HCFC2: variants seen among roughly 807,000 people sequenced by gnomAD.
HCFC2 encodes host cell factor C2.
HCFC2 carries 18 observed loss-of-function variants against 89.2 expected under a neutral mutation model. The observed-to-expected ratio is 0.20, with a 90% CI of 0.14 to 0.30. The LOEUF is 0.30. Ranked by LOEUF, HCFC2 falls within the 10% of genes least tolerant of loss-of-function variation. The pLI, the probability that HCFC2 is intolerant of heterozygous loss-of-function variation, is 1.00. For synonymous variants in HCFC2, 308 were observed against 335.7 expected, an observed-to-expected ratio of 0.92 and a Z score of 0.90; for missense variants, 578 against 956.1, an observed-to-expected ratio of 0.60 and a Z score of 5.21.
At chr12:104,087,466 CATATATATATATAT>C (rs10548496) in intron 8 of HCFC2, among the ~76,000 whole-genome samples, 2 of 139,472 alleles carry the variant, frequency 1.4e-5, no homozygotes, top group African/African-American at 5.3e-5. Flanking sequence ...TATATATATA[CATATATATATATAT>C]ATATGTATAT....
chr12:104,097,691 G>C (rs892995853), intron 12 of HCFC2: 2 of 960,310 alleles, frequency 2.1e-6, no homozygotes, highest in African/African-American at 1.8e-5. Flanking sequence ...GGCTTTAAAA[G>C]GTTAGTTCCA....
chr12:104,084,277 A>T (rs1480389203), intron 7 of HCFC2, among the ~76,000 whole-genome samples: 1 of 152,216 alleles, frequency 6.6e-6, no homozygotes, highest in African/African-American at 2.4e-5. Flanking sequence ...TGTTAATCAT[A>T]TGAATACATG....
Position 104,082,527 on chromosome 12 carries a change from A to C in HCFC2, c.795A>C (p.Pro265=), listed in dbSNP as rs1287557596. Residue 265 remains proline, a synonymous_variant, in exon 6 of 15, where the codon CCA becomes CCC. Transcript: ENST00000229330. ...TGTACATTTTTGGTGGATGGGTCCC[A>C]CATAAGGGGGAAAATACTGAGACTT... The part of the protein sequence containing the change: ...NKMYIFGGWV[P]HKGENTETSP... 1.2e-6 allele frequency: 2 copies of C among 1,611,856 alleles called. No homozygotes were observed. Among genetic ancestry groups the C allele is most frequent in the South Asian group, 2.2e-5 (2 of 91,014 alleles).
chr12:104,092,752 C>T (rs1884058407), intron 9 of HCFC2, among the ~76,000 whole-genome samples: 1 of 151,996 alleles, frequency 6.6e-6, no homozygotes, highest in Non-Finnish European at 1.5e-5. Context: ...CCAGCCTGGG[C>T]AACAAGAGCA....
chr12:104,065,053 A>T, intron 1 of HCFC2: 1 of 239,288 alleles, frequency 4.2e-6, no homozygotes, highest in Admixed American at 5.7e-5. Flanking sequence ...ACTCCCCGAA[A>T]TCTCGCCTCT....
chr12:104,080,853 G>A (rs1232523864), intron 5 of HCFC2, 23 bp downstream of exon 5: 2 of 1,506,832 alleles, frequency 1.3e-6, no homozygotes, highest in Admixed American at 2.1e-5. Context: ...TTTGTATTTT[G>A]CTTCTGTTTT....
chr12:104,067,036 C>T (rs544047969), intron 2 of HCFC2, among the ~76,000 whole-genome samples: 12 of 152,276 alleles, frequency 7.9e-5, no homozygotes, highest in African/African-American at 2.6e-4. Context: ...GATCCACCCA[C>T]CTGGGCCTCC....
chr12:104,080,495 CTG>C (rs1883652794), intron 4 of HCFC2: 5 of 280,832 alleles, frequency 1.8e-5, no homozygotes, highest in Admixed American at 5.1e-5. Context: ...TATTTTCAGT[CTG>C]TGGTTAGTTG....
At chr12:104,094,641 A>G (rs1388756226) in intron 10 of HCFC2, among the ~76,000 whole-genome samples, 2 of 152,210 alleles carry the variant, frequency 1.3e-5, no homozygotes, top group Non-Finnish European at 1.5e-5. Context: ...GATGTTTGCC[A>G]GAATTATTTT....
At chr12:104,087,410 CGTGTGTGTGTGTGTGTGTGT>C (rs10548495) in intron 8 of HCFC2, among the ~76,000 whole-genome samples, 2 of 133,210 alleles carry the variant, frequency 1.5e-5, no homozygotes, top group Non-Finnish European at 3.1e-5. Flanking sequence ...TACTGCAGTA[CGTGTGTGTGTGTGTGTGTGT>C]GTGTGTGTGT....
At chr12:104,100,659 A>G (rs1002570587) in intron 13 of HCFC2, among the ~76,000 whole-genome samples, 3 of 152,186 alleles carry the variant, frequency 2.0e-5, no homozygotes, top group African/African-American at 7.2e-5. Flanking sequence ...GAAGATATGC[A>G]CAAATGAGGA....
chr12:104,088,115 T>C, intron 9 of HCFC2, 77 bp downstream of exon 9: 1 of 977,230 alleles, frequency 1.0e-6, no homozygotes, highest in South Asian at 1.6e-5. Context: ...TTTAGCATAC[T>C]ACTACTCTAG....
intron 13 of HCFC2, among the ~76,000 whole-genome samples, chr12:104,101,656 G>A (rs890934372): frequency 4.1e-4 from 62 of 152,050 alleles, no homozygotes; most frequent in Non-Finnish European, 8.2e-4. Flanking sequence ...TGTGTTTATG[G>A]CAGTTGTCAG....
At chr12:104,072,880 G>A (rs562168402) in intron 3 of HCFC2, among the ~76,000 whole-genome samples, 138 of 151,766 alleles carry the variant, frequency 9.1e-4, no homozygotes, top group African/African-American at 1.4e-3. Context: ...TCCTGACCTC[G>A]TGATCCGCCC....
intron 3 of HCFC2, among the ~76,000 whole-genome samples, chr12:104,078,930 T>G (rs190982361): frequency 6.6e-6 from 1 of 152,222 alleles, no homozygotes. Flanking sequence ...CAGATGGTAG[T>G]TTTATGGGAG....
intron 3 of HCFC2, among the ~76,000 whole-genome samples, chr12:104,077,270 T>C (rs1883525184): frequency 6.6e-6 from 1 of 151,622 alleles, no homozygotes; most frequent in South Asian, 2.1e-4. Context: ...TGAGACGGAG[T>C]CTCGTTGTGT....
Position 104,079,609 on chromosome 12 carries a change from G to GA in HCFC2, c.640dup (p.Met214AsnfsTer8). ...AGTCCTAAAATGTATGTTTTTGGTG[G>GA]AATGTGTGGTGCTCGCCTGGATGAC... On this transcript the variant is annotated frameshift_variant, in exon 4 of 15. Coordinates refer to ENST00000229330, the MANE Select transcript of HCFC2 (RefSeq NM_013320.3). LOFTEE classifies it high-confidence loss of function. The GA allele has an allele frequency of 6.2e-7, 1 of 1,614,108 alleles. No homozygotes were observed. Among genetic ancestry groups the GA allele is most frequent in the Non-Finnish European group, 8.5e-7 (1 of 1,180,000 alleles).
At chr12:104,094,607 G>A (rs1884121258) in intron 10 of HCFC2, among the ~76,000 whole-genome samples, 1 of 152,070 alleles carries the variant, frequency 6.6e-6, no homozygotes, top group African/African-American at 2.4e-5. Context: ...AATGAAAATT[G>A]AAAAATATCC....
In HCFC2 at chr12:104,068,897, T is replaced by TATAA. The variant is rs1047267501; in HGVS notation, c.473+791_473+794dup. Among the ~76,000 whole-genome samples the TATAA allele has an allele frequency of 6.6e-6, 1 of 152,148 alleles. No individual in the cohort carries two copies. The highest frequency in any genetic ancestry group is 1.5e-5 in the Non-Finnish European group (1 of 68,032). On this transcript the variant is annotated intron_variant, in intron 3 of 14. Coordinates refer to ENST00000229330, the MANE Select transcript of HCFC2 (RefSeq NM_013320.3). This position sits in a 1 kb window ranked among gnomAD's most constrained non-coding sequence, Gnocchi z 4.1. ...ATTTTATTTGTGTAAATTTAAGGTA[T>TATAA]ATAACATGATGGTATAAGATAGATA...
Sources: gnomAD v4.1 joint callset for allele counts (sites outside exome capture counted in the v4.1 genomes callset) on GRCh38, gnomAD v4.1.1 for gene constraint, Gnocchi (gnomAD v3.1) non-coding constraint, MANE v1.5 for transcripts, NCBI Gene and HGNC (gene_info 2026-07-23, HGNC 2026-07-21) for gene names.